MPDZ: variants seen among roughly 807,000 people sequenced by gnomAD.
MPDZ encodes the protein multiple PDZ domain protein.
MPDZ carries 234 observed loss-of-function variants against 239.1 expected under a neutral mutation model. The observed-to-expected ratio is 0.98, with a 90% CI of 0.88 to 1.09. MPDZ has a LOEUF of 1.09. Among genes scored for constraint, MPDZ ranks in the 50% least tolerant of loss-of-function variants. MPDZ has a pLI of 0.00. For missense variants in MPDZ, 3,175 were observed against 2,510.0 expected, an observed-to-expected ratio of 1.26 and a Z score of -5.66; for synonymous variants, 1,048 against 881.3, an observed-to-expected ratio of 1.19 and a Z score of -3.35.
intron 8 of MPDZ, among the ~76,000 whole-genome samples, chr9:13,218,188 T>C (rs1477344284): frequency 6.6e-6 from 1 of 151,860 alleles, no homozygotes; most frequent in Non-Finnish European, 1.5e-5. Flanking sequence ...GTTTGATTTA[T>C]TTTTTTCATT....
At chr9:13,164,155 T>C (rs1039622327) in intron 22 of MPDZ, among the ~76,000 whole-genome samples, 1 of 152,334 alleles carries the variant, frequency 6.6e-6, no homozygotes, top group Admixed American at 6.5e-5. Context: ...TCTGGGAATC[T>C]CTTCGTGACA....
At chr9:13,153,870 G>C (rs916584529) in intron 24 of MPDZ, among the ~76,000 whole-genome samples, 4 of 152,060 alleles carry the variant, frequency 2.6e-5, no homozygotes, top group Admixed American at 1.3e-4. Flanking sequence ...TTTATGTTTG[G>C]TGCAAATTAG....
At chr9:13,272,312 G>T in intron 1 of MPDZ, among the ~76,000 whole-genome samples, 1 of 152,034 alleles carries the variant, frequency 6.6e-6, no homozygotes, top group African/African-American at 2.4e-5. Context: ...CAATAACCCA[G>T]GCCCCAGGGC....
chr9:13,165,545 C>T, intron 22 of MPDZ: 2 of 891,286 alleles, frequency 2.2e-6, no homozygotes, highest in Non-Finnish European at 3.4e-6. Flanking sequence ...CCCTTTCCAC[C>T]TCCCTCCCAT....
intron 19 of MPDZ, among the ~76,000 whole-genome samples, chr9:13,178,397 T>C (rs941568305): frequency 1.3e-5 from 2 of 152,164 alleles, no homozygotes; most frequent in Non-Finnish European, 2.9e-5. Flanking sequence ...GTAAGAAATA[T>C]TAGTGTATTA....
rs543750535 is a variant in MPDZ at position 13,133,183 on chromosome 9, G to A, written c.4464+641C>T. 5.3e-5 allele frequency among the ~76,000 whole-genome samples: 8 copies of A among 152,088 alleles called. No homozygotes were observed. The East Asian group carries it at 1.5e-3, about 29-fold the overall frequency. On this transcript the variant is annotated intron_variant, in intron 32 of 46. Transcript: ENST00000319217. ...AGGATTTAGGAGGAAAAGAAACTAA[G>A]AGCAGAAATCAGAAAGGGAAAGAGG...
At chr9:13,268,351 C>T (rs1381628509) in intron 1 of MPDZ, among the ~76,000 whole-genome samples, 1 of 151,924 alleles carries the variant, frequency 6.6e-6, no homozygotes, top group Admixed American at 6.6e-5. Flanking sequence ...TCCTTCAATT[C>T]TTATTCAAAT....
chr9:13,110,984 T>G (rs571261719), intron 43 of MPDZ, among the ~76,000 whole-genome samples: 1 of 152,200 alleles, frequency 6.6e-6, no homozygotes, highest in Non-Finnish European at 1.5e-5. Context: ...AGAAAGTCAC[T>G]CTTCCCTGCT....
At chr9:13,119,722 C>A (rs527559810) in intron 38 of MPDZ, 73 bp from the exon 39 acceptor site, 21 of 1,573,834 alleles carry the variant, frequency 1.3e-5, no homozygotes, top group Non-Finnish European at 1.7e-5. Flanking sequence ...TAAAAAGTTA[C>A]GTTTTTACCC....
chr9:13,117,843 C>CTT (rs201420389), intron 39 of MPDZ, among the ~76,000 whole-genome samples: 54 of 131,570 alleles, frequency 4.1e-4, no homozygotes, highest in Middle Eastern at 3.7e-3. Context: ...TTCAGATTAG[C>CTT]TTTTTTTTTT....
intron 21 of MPDZ, among the ~76,000 whole-genome samples, chr9:13,174,624 C>T (rs565051535): frequency 6.6e-6 from 1 of 152,242 alleles, no homozygotes; most frequent in African/African-American, 2.4e-5. Flanking sequence ...TAACATCCTA[C>T]AAAACTAGTA....
At chr9:13,138,715 C>T (rs1947210936) in intron 28 of MPDZ, among the ~76,000 whole-genome samples, 3 of 152,176 alleles carry the variant, frequency 2.0e-5, no homozygotes, top group African/African-American at 4.8e-5. Context: ...AGACCATTTA[C>T]ATCTCCTACC....
chr9:13,206,269 A>G (rs1378709383), intron 10 of MPDZ, among the ~76,000 whole-genome samples, 170 bp from the exon 11 acceptor site: 1 of 152,130 alleles, frequency 6.6e-6, no homozygotes, highest in Admixed American at 6.6e-5. Context: ...GGAAACCAGT[A>G]TTAACAGGGA....
At chr9:13,115,471 C>G (rs1943254837) in intron 39 of MPDZ, 137 bp from the exon 40 acceptor site, 1 of 679,428 alleles carries the variant, frequency 1.5e-6, no homozygotes, top group African/African-American at 1.8e-5. Context: ...AAGGATACCT[C>G]CAATCCCTTG....
At position 13,176,208 on chromosome 9, in the gene MPDZ, A is replaced by G. The variant is rs1952464939; in HGVS notation, c.2859T>C (p.Thr953=). The G allele has an allele frequency of 1.2e-6, 2 of 1,603,816 alleles. No homozygotes were observed. Among genetic ancestry groups the G allele is most frequent in the South Asian group, 1.1e-5 (1 of 89,184 alleles). The change falls in exon 20 of 47, where the codon ACT becomes ACC. Residue 953 remains threonine (T), a synonymous_variant. Coordinates refer to ENST00000319217, the MANE Select transcript of MPDZ (RefSeq NM_001378778.1). ...QYECENTIVW[T]ESHLPSEVIS... ...TAACTTCACTTGGTAAATGAGATTC[A>G]GTCCACACTATTGTGTTTTCACATT...
chr9:13,185,475 T>A (rs1053121382), intron 18 of MPDZ, among the ~76,000 whole-genome samples: 2 of 152,116 alleles, frequency 1.3e-5, no homozygotes, highest in Non-Finnish European at 2.9e-5. Context: ...TATTCCTTTT[T>A]AGCAACAGTG....
chr9:13,141,517 C>T (rs1232431198), intron 27 of MPDZ, among the ~76,000 whole-genome samples: 2 of 151,940 alleles, frequency 1.3e-5, no homozygotes, highest in Non-Finnish European at 2.9e-5. Flanking sequence ...TCCTATATAT[C>T]TTTATTTTAC....
At position 13,106,317 on chromosome 9, in the gene MPDZ, T is replaced by C. The variant is rs953208283; in HGVS notation, c.*648A>G. On this transcript the variant is annotated 3_prime_UTR_variant, in exon 47 of 47. Transcript: ENST00000319217. Reference sequence around the variant, plus strand: ...CATTAAATATAATTTCTTTATAAAATTTAGGGACATTGCTTCATGTATTTG... The same window carrying C: ...CATTAAATATAATTTCTTTATAAAACTTAGGGACATTGCTTCATGTATTTG... The C allele has an allele frequency of 6.6e-6, 1 of 152,124 alleles. No homozygotes were observed. Among genetic ancestry groups the C allele is most frequent in the African/African-American group, 2.4e-5 (1 of 41,436 alleles). 9.4% of individuals were successfully genotyped at this position (152,124 alleles called of 1,614,324 possible).
chr9:13,255,173 C>T (rs1372578215), intron 1 of MPDZ, among the ~76,000 whole-genome samples: 1 of 152,192 alleles, frequency 6.6e-6, no homozygotes, highest in Non-Finnish European at 1.5e-5. Flanking sequence ...CCATAAAAAG[C>T]AACTCCTCAT....
Sources: allele counts gnomAD v4.1 joint callset (sites outside exome capture counted in the v4.1 genomes callset), GRCh38; gene constraint gnomAD v4.1.1; transcripts MANE v1.5; gene names NCBI Gene and HGNC (gene_info 2026-07-23, HGNC 2026-07-21).